RNF220: variants seen among roughly 807,000 people sequenced by gnomAD.
The protein encoded by RNF220 is ring finger protein 220, also known as E3 ubiquitin-protein ligase RNF220.
Under a neutral mutation model 67.1 loss-of-function variants are expected in RNF220, and 7 were observed. That is an observed-to-expected ratio of 0.10 (90% CI 0.06 to 0.20). The LOEUF (loss-of-function observed/expected upper bound fraction) is 0.20, where lower values mean the gene tolerates loss of function less well. Ranked by LOEUF, RNF220 falls within the 10% of genes least tolerant of loss-of-function variation. The probability of loss-of-function intolerance (pLI) is 1.00; values close to 1 mark genes in which losing one functional copy is unlikely to be tolerated. For synonymous variants in RNF220, 270 were observed against 283.2 expected (o/e 0.95, Z 0.47); for missense variants, 565 against 740.3 (o/e 0.76, Z 2.75).
chr1:44,465,749 C>T (rs1654219716), intron 2 of RNF220, among the ~76,000 whole-genome samples: 1 of 152,168 alleles, frequency 6.6e-6, no homozygotes, highest in African/African-American at 2.4e-5. Context: ...TACATTTATG[C>T]TATATTGTAG....
intron 2 of RNF220, among the ~76,000 whole-genome samples, chr1:44,551,415 A>ATT (rs34388887): frequency 2.4e-4 from 36 of 151,442 alleles, no homozygotes; most frequent in African/African-American, 4.9e-4. Context: ...GTGCCCGGCC[A>ATT]TTTTTTTTGT....
At chr1:44,580,030 CAAAAAAAAAAAAA>C (rs61499825) in intron 2 of RNF220, among the ~76,000 whole-genome samples, 3 of 65,262 alleles carry the variant, frequency 4.6e-5, no homozygotes, top group East Asian at 5.5e-4. Context: ...CCCTGTCTCA[CAAAAAAAAAAAAA>C]AAAAAAAAAA....
chr1:44,535,004 G>A (rs1207361224), intron 2 of RNF220, among the ~76,000 whole-genome samples: 2 of 152,180 alleles, frequency 1.3e-5, no homozygotes, highest in South Asian at 4.1e-4. Context: ...TGACCAGGGA[G>A]CAAGTTACTG....
At chr1:44,631,811 G>T in intron 5 of RNF220, 1 of 717,724 alleles carries the variant, frequency 1.4e-6, no homozygotes, top group Non-Finnish European at 1.7e-6. Flanking sequence ...GCTAAAGATT[G>T]GGTGGGTAGG....
intron 2 of RNF220, among the ~76,000 whole-genome samples, chr1:44,527,923 CCCAAAAAAA>C (rs1179486158): frequency 5.4e-4 from 4 of 7,402 alleles, no homozygotes; most frequent in Non-Finnish European, 1.5e-3. Context: ...AAGACTCCAT[CCCAAAAAAA>C]AAAAAAAAAA....
chr1:44,628,379 A>G (rs1353694859), intron 5 of RNF220, among the ~76,000 whole-genome samples: 2 of 152,210 alleles, frequency 1.3e-5, no homozygotes, highest in Non-Finnish European at 2.9e-5. Flanking sequence ...AAACATACGC[A>G]TGTGTTTTTA....
chr1:44,644,914 A>G (rs1644593016), intron 9 of RNF220, 81 bp from the exon 10 acceptor site: 1 of 1,559,642 alleles, frequency 6.4e-7, no homozygotes, highest in African/African-American at 1.4e-5. Flanking sequence ...AGCTTTGGCC[A>G]GGAGGGCCAT....
At chr1:44,561,607 G>A (rs1043553079) in intron 2 of RNF220, among the ~76,000 whole-genome samples, 2 of 152,130 alleles carry the variant, frequency 1.3e-5, no homozygotes, top group Non-Finnish European at 2.9e-5. Context: ...AAAGAATGGT[G>A]GAAAATAGTG....
intron 2 of RNF220, among the ~76,000 whole-genome samples, chr1:44,570,948 C>T (rs1429392987): frequency 3.9e-5 from 6 of 151,926 alleles, no homozygotes; most frequent in Non-Finnish European, 7.4e-5. Flanking sequence ...GTGGTGCGCA[C>T]GTGTAATCCT....
intron 12 of RNF220, among the ~76,000 whole-genome samples, chr1:44,646,069 A>ATT (rs1644637190): frequency 6.6e-6 from 1 of 152,174 alleles, no homozygotes; most frequent in Non-Finnish European, 1.5e-5. Context: ...AAGCCCAAGG[A>ATT]AGGCCAGTTC....
At chr1:44,592,888 A>C (rs572845264) in intron 2 of RNF220, among the ~76,000 whole-genome samples, 1 of 152,296 alleles carries the variant, frequency 6.6e-6, no homozygotes, top group Admixed American at 6.5e-5. Context: ...TGGCCCTCGC[A>C]TTCTGCCTAC....
At chr1:44,587,425 G>A (rs1665785013) in intron 2 of RNF220, among the ~76,000 whole-genome samples, 1 of 152,168 alleles carries the variant, frequency 6.6e-6, no homozygotes, top group Non-Finnish European at 1.5e-5. Context: ...GGGATTACAG[G>A]CATGAGCCAC....
intron 2 of RNF220, among the ~76,000 whole-genome samples, chr1:44,466,608 T>C (rs1435954564): frequency 6.6e-6 from 1 of 152,246 alleles, no homozygotes; most frequent in Non-Finnish European, 1.5e-5. Flanking sequence ...ATCCATGGGC[T>C]GTAGAATGGA....
chr1:44,598,221 G>A (rs1037472948), intron 2 of RNF220, among the ~76,000 whole-genome samples: 7 of 152,178 alleles, frequency 4.6e-5, no homozygotes, highest in African/African-American at 1.7e-4. Context: ...TTCTGGAGCA[G>A]GTTCAGCTCC....
At chr1:44,435,530 G>A (rs796961934) in intron 2 of RNF220, among the ~76,000 whole-genome samples, 155 of 152,290 alleles carry the variant, frequency 1.0e-3, no homozygotes, top group African/African-American at 3.5e-3. Context: ...AGGCACCAGC[G>A]TTCCTTGGGA....
intron 2 of RNF220, among the ~76,000 whole-genome samples, chr1:44,582,938 G>A (rs1454874689): frequency 6.6e-6 from 1 of 152,024 alleles, no homozygotes; most frequent in African/African-American, 2.4e-5. Flanking sequence ...CCCGGGAGGT[G>A]GAGGTTGCAG....
Position 44,474,805 on chromosome 1 carries a change from GTATC to G in RNF220, c.625+62086_625+62089del, listed in dbSNP as rs376691724. Among the ~76,000 whole-genome samples the G allele has an allele frequency of 4.1e-3, 621 of 152,276 alleles. 9 individuals carry two copies. The South Asian group carries it at 0.041, about 10-fold the overall frequency. ...ATTTGCATTATGTTAGGTGTTGTAA[GTATC>G]TAGAGATTATTTAAAATATACAAAA... On this transcript the variant is annotated intron_variant, in intron 2 of 14. Coordinates refer to ENST00000361799, the MANE Select transcript of RNF220 (RefSeq NM_018150.4).
At chr1:44,523,092 T>C (rs1435561515) in intron 2 of RNF220, among the ~76,000 whole-genome samples, 1 of 152,194 alleles carries the variant, frequency 6.6e-6, no homozygotes, top group Non-Finnish European at 1.5e-5. Context: ...AAAGCATCTG[T>C]AAGAGGGGCT....
chr1:44,464,394 C>A (rs1158834800), intron 2 of RNF220, among the ~76,000 whole-genome samples: 2 of 152,216 alleles, frequency 1.3e-5, no homozygotes, highest in Non-Finnish European at 2.9e-5. Context: ...GCAAACTTTG[C>A]ATGTGCATCT....
Sources: gnomAD v4.1 joint callset for allele counts (sites outside exome capture counted in the v4.1 genomes callset) on GRCh38, gnomAD v4.1.1 for gene constraint, MANE v1.5 for transcripts, NCBI Gene and HGNC (gene_info 2026-07-23, HGNC 2026-07-21) for gene names.